Variants in SIK3 observed in about 807,000 individuals in gnomAD.
SIK3 encodes the protein serine/threonine-protein kinase SIK3.
SIK3 carries 28 observed loss-of-function variants against 144.2 expected under a neutral mutation model. The ratio of observed to expected loss-of-function variants is 0.19; its 90% CI spans 0.14 to 0.27. SIK3 has a LOEUF of 0.27. Among genes scored for constraint, SIK3 ranks in the 10% least tolerant of loss-of-function variants. The probability of loss-of-function intolerance (pLI) is 1.00; values close to 1 mark genes in which losing one functional copy is unlikely to be tolerated. For missense variants in SIK3, 1,319 were observed against 1,776.0 expected (o/e 0.74, Z 4.62); for synonymous variants, 686 against 676.3 (o/e 1.01, Z -0.22).
At chr11:116,900,703 T>A (rs1945685535) in intron 4 of SIK3, among the ~76,000 whole-genome samples, 1 of 152,156 alleles carries the variant, frequency 6.6e-6, no homozygotes, top group Admixed American at 6.5e-5. Context: ...TATCACTCAT[T>A]TTCAAGGCCC....
intron 3 of SIK3, among the ~76,000 whole-genome samples, chr11:116,931,067 T>G (rs898968630): frequency 2.0e-5 from 3 of 152,262 alleles, no homozygotes; most frequent in Non-Finnish European, 4.4e-5. Flanking sequence ...TAAATTCTCT[T>G]TCTCACTTTC....
At chr11:116,982,270 T>TC (rs1950165534) in intron 1 of SIK3, among the ~76,000 whole-genome samples, 1 of 150,524 alleles carries the variant, frequency 6.6e-6, no homozygotes, top group Admixed American at 6.6e-5. Flanking sequence ...CTTCAGGGCT[T>TC]CCTCTGCCTT....
At position 116,867,892 on chromosome 11, in the gene SIK3, G is replaced by C. The variant is rs1017242608; in HGVS notation, c.1952+54C>G. On this transcript the variant is annotated intron_variant, in intron 15 of 24. Coordinates refer to ENST00000445177, the MANE Select transcript of SIK3 (RefSeq NM_001366686.3). The surrounding 1 kb of genome is among the most constrained non-coding windows in gnomAD (Gnocchi z 4.1). ...ACCGTCGCTGTGAGACTAATCAGAA[G>C]GGTGCCTGTCCGATGAGCCTCAAGG... is the stretch of plus-strand genomic sequence containing the variant. The C allele has an allele frequency of 6.9e-7, 1 of 1,450,600 alleles. No individual in the cohort carries two copies. The highest frequency in any genetic ancestry group is 2.7e-5 in the Admixed American group (1 of 36,558). The allele number at this position is 1,450,600 out of a possible 1,614,324, so 89.9% of individuals were successfully genotyped here.
At chr11:116,992,807 G>C (rs925571232) in intron 1 of SIK3, among the ~76,000 whole-genome samples, 7 of 152,090 alleles carry the variant, frequency 4.6e-5, no homozygotes, top group Non-Finnish European at 2.9e-5. Context: ...AACATGGAGG[G>C]ACCTCATCTC....
intron 21 of SIK3, chr11:116,857,448 C>G (rs1943014269): frequency 4.2e-6 from 1 of 238,906 alleles, no homozygotes; most frequent in African/African-American, 2.3e-5. Context: ...ACTCTTGTTC[C>G]CACACTATTT....
At chr11:117,050,968 T>C (rs1365124622) in intron 1 of SIK3, among the ~76,000 whole-genome samples, 4 of 152,078 alleles carry the variant, frequency 2.6e-5, no homozygotes, top group African/African-American at 9.7e-5. Flanking sequence ...AGCTAAGGAA[T>C]GGCCCAGACA....
intron 6 of SIK3, among the ~76,000 whole-genome samples, chr11:116,891,143 TA>T (rs981828663): frequency 6.6e-6 from 1 of 151,998 alleles, no homozygotes; most frequent in South Asian, 2.1e-4. Flanking sequence ...TCCATCTCTA[TA>T]AAAAAATGTT....
At chr11:117,088,311 A>C (rs1330722022) in intron 1 of SIK3, among the ~76,000 whole-genome samples, 1 of 152,200 alleles carries the variant, frequency 6.6e-6, no homozygotes, top group Non-Finnish European at 1.5e-5. Context: ...AGATACACTG[A>C]TCTTCCTAAT....
At chr11:116,892,486 T>A (rs1945182718) in intron 6 of SIK3, among the ~76,000 whole-genome samples, 1 of 152,194 alleles carries the variant, frequency 6.6e-6, no homozygotes, top group East Asian at 1.9e-4. Flanking sequence ...TCATACATCA[T>A]TAGAGAATTA....
Position 116,897,216 on chromosome 11 carries a change from C to A in SIK3, c.718G>T (p.Asp240Tyr), listed in dbSNP as rs1945457672. ...APELFEGKEY[D>Y]GPKVDIWSLG... ...ACCCAGATGTCCACTTTGGGCCCAT[C>A]ATATTCTTTTCCTTCAAAGAGTTCA... Residue 240 changes from aspartate to tyrosine, a missense_variant, in exon 5 of 25, where the codon GAT (aspartate) becomes TAT (tyrosine). Around this residue, in one of 8 missense-constraint regions of SIK3, gnomAD observed 125 missense variants for 285.2 expected, o/e 0.44. Transcript: ENST00000445177. The A allele has an allele frequency of 1.2e-6, 2 of 1,613,922 alleles. No individual in the cohort carries two copies. Among genetic ancestry groups the A allele is most frequent in the African/African-American group, 2.7e-5 (2 of 74,900 alleles).
intron 1 of SIK3, among the ~76,000 whole-genome samples, chr11:117,067,777 A>G (rs766762696): frequency 2.6e-5 from 4 of 151,466 alleles, no homozygotes; most frequent in Non-Finnish European, 5.9e-5. Context: ...ACTTGAGGTC[A>G]GGAGTTCGAA....
In SIK3 at chr11:116,859,588, GGAA is replaced by G. The variant is rs779130306; in HGVS notation, c.2439_2441del (p.Ser814del). The G allele has an allele frequency of 3.1e-4, 502 of 1,613,826 alleles. No individual in the cohort carries two copies. In the African/African-American group the frequency reaches 5.5e-3, roughly 18 times the overall value. On this transcript the variant is annotated inframe_deletion, in exon 20 of 25. Coordinates refer to ENST00000445177, the MANE Select transcript of SIK3 (RefSeq NM_001366686.3). ...TGCGGGAAGGTAAGCCTTGAAACTG[GGAA>G]GAAGATGCAGCCCCTGGAGAGAAAG...
intron 4 of SIK3, among the ~76,000 whole-genome samples, chr11:116,918,034 T>G (rs933103877): frequency 2.0e-5 from 3 of 152,244 alleles, no homozygotes; most frequent in Non-Finnish European, 4.4e-5. Context: ...AACTTTGGCT[T>G]TTAATCATCA....
At chr11:116,942,205 T>C (rs137952848) in intron 3 of SIK3, among the ~76,000 whole-genome samples, 2 of 152,346 alleles carry the variant, frequency 1.3e-5, no homozygotes, top group South Asian at 2.1e-4. Flanking sequence ...TATTTCATTA[T>C]GACACAATGA....
At chr11:117,088,274 T>G (rs1490705143) in intron 1 of SIK3, among the ~76,000 whole-genome samples, 1 of 151,984 alleles carries the variant, frequency 6.6e-6, no homozygotes, top group Non-Finnish European at 1.5e-5. Context: ...ACTAAGGGAT[T>G]TGAATTCAAA....
Position 116,874,015 on chromosome 11 carries a change from A to T in SIK3, c.1469T>A (p.Phe490Tyr). 2 of 1,614,142 alleles carry T rather than the reference A, an allele frequency of 1.2e-6. No individual in the cohort carries two copies. The highest frequency in any genetic ancestry group is 1.7e-6 in the Non-Finnish European group (2 of 1,180,002). The change falls in exon 12 of 25, where the codon TTT (phenylalanine) becomes TAT (tyrosine). Residue 490 changes from phenylalanine (F) to tyrosine (Y), a missense_variant. Transcript: ENST00000445177. ...TGGAGCCTGGGGGTTGACTCCAGGA[A>T]AGCCAGGTAGGAGCTTCTGCAGATC... ...MEDLQKLLPG[F>Y]PGVNPQAPFL...
chr11:116,907,287 G>T (rs1946091211), intron 4 of SIK3, among the ~76,000 whole-genome samples: 1 of 152,174 alleles, frequency 6.6e-6, no homozygotes, highest in Non-Finnish European at 1.5e-5. Flanking sequence ...GCCCCACATT[G>T]TGCTTTCAGC....
intron 1 of SIK3, among the ~76,000 whole-genome samples, chr11:117,095,149 G>T (rs1303528762): frequency 1.4e-5 from 2 of 146,094 alleles, no homozygotes; most frequent in African/African-American, 5.1e-5. Context: ...AATAAATGAG[G>T]TTTACTTTAG....
At chr11:116,877,976 C>G (rs12279594) in intron 6 of SIK3, among the ~76,000 whole-genome samples, 35 of 152,182 alleles carry the variant, frequency 2.3e-4, no homozygotes, top group African/African-American at 8.4e-4. Flanking sequence ...AAACCAGGCA[C>G]AGGGAGGTAA....
Sources: allele counts gnomAD v4.1 joint callset (sites outside exome capture counted in the v4.1 genomes callset), GRCh38; gene constraint gnomAD v4.1.1; regional missense constraint gnomAD v4.1.1; non-coding constraint Gnocchi (gnomAD v3.1); transcripts MANE v1.5; gene names NCBI Gene and HGNC (gene_info 2026-07-23, HGNC 2026-07-21).